Variants in NRXN1 observed in about 807,000 individuals in gnomAD.
The protein encoded by NRXN1 is neurexin-1.
A neutral mutation model predicts 150.9 loss-of-function variants in NRXN1; 39 were observed. The observed-to-expected ratio is 0.26, with a 90% CI of 0.20 to 0.34. NRXN1 has a LOEUF of 0.34. Among genes scored for constraint, NRXN1 ranks in the 10% least tolerant of loss-of-function variants. The pLI is 1.00. For synonymous variants in NRXN1, 924 were observed against 757.0 expected (o/e 1.22, Z -3.62); for missense variants, 1,815 against 1,949.9 (o/e 0.93, Z 1.30).
intron 17 of NRXN1, among the ~76,000 whole-genome samples, chr2:50,298,061 T>G (rs991432327): frequency 3.3e-5 from 5 of 152,020 alleles, no homozygotes; most frequent in Non-Finnish European, 5.9e-5. Context: ...AATATTAAAA[T>G]ATTCAATATT....
intron 18 of NRXN1, among the ~76,000 whole-genome samples, chr2:50,200,248 A>G (rs940247896): frequency 2.0e-5 from 3 of 152,140 alleles, no homozygotes; most frequent in Non-Finnish European, 4.4e-5. Context: ...TTATTTCTTG[A>G]GAATCTAGAT....
chr2:50,791,870 T>C lies in NRXN1; in HGVS notation c.832+129999A>G, dbSNP rs113334736. Among the ~76,000 whole-genome samples the C allele has an allele frequency of 3.6e-3, 555 of 152,186 alleles. 5 individuals are homozygous for C. Among genetic ancestry groups the C allele is most frequent in the African/African-American group, 0.013 (537 of 41,552 alleles). On this transcript the variant is annotated intron_variant, in intron 5 of 22. Coordinates refer to ENST00000401669, the MANE Select transcript of NRXN1 (RefSeq NM_001330078.2). ...TTCAAAGAGAAGATTCTGGGTGTCA[T>C]CTGCCACTTAGAGCCTGAAGTAAAC...
At chr2:50,999,497 C>T (rs1022561071) in intron 2 of NRXN1, among the ~76,000 whole-genome samples, 2 of 151,976 alleles carry the variant, frequency 1.3e-5, no homozygotes, top group East Asian at 3.9e-4. Flanking sequence ...CAGGTACTCC[C>T]CCATAGTTCC....
intron 12 of NRXN1, among the ~76,000 whole-genome samples, chr2:50,519,507 T>C (rs922297382): frequency 2.6e-5 from 4 of 151,966 alleles, no homozygotes; most frequent in African/African-American, 9.7e-5. Flanking sequence ...AACTTAGCAA[T>C]TAAATCTTAG....
At chr2:50,343,487 A>G (rs1305727107) in intron 17 of NRXN1, among the ~76,000 whole-genome samples, 2 of 152,094 alleles carry the variant, frequency 1.3e-5, no homozygotes, top group Admixed American at 6.6e-5. Context: ...CAATTTTTCT[A>G]TGGAGGTAGT....
intron 21 of NRXN1, among the ~76,000 whole-genome samples, chr2:50,047,616 C>A (rs1165275390): frequency 6.6e-6 from 1 of 152,018 alleles, no homozygotes; most frequent in Non-Finnish European, 1.5e-5. Context: ...GAAATTGATA[C>A]CTACATCTCG....
chr2:50,190,435 T>C (rs1362963093), intron 18 of NRXN1, among the ~76,000 whole-genome samples: 5 of 152,086 alleles, frequency 3.3e-5, no homozygotes, highest in Admixed American at 2.0e-4. Flanking sequence ...TTTTTACATC[T>C]CAAGCATATA....
intron 18 of NRXN1, among the ~76,000 whole-genome samples, chr2:50,147,082 A>G (rs1708114696): frequency 1.3e-5 from 2 of 151,766 alleles, no homozygotes; most frequent in African/African-American, 4.8e-5. Context: ...TGGGTCCTCT[A>G]TAATAGTTGG....
intron 2 of NRXN1, among the ~76,000 whole-genome samples, chr2:50,972,837 C>A (rs80187496): frequency 6.6e-6 from 1 of 152,164 alleles, no homozygotes; most frequent in Non-Finnish European, 1.5e-5. Flanking sequence ...GCTGTAAATA[C>A]CTGGTTCTCT....
intron 8 of NRXN1, among the ~76,000 whole-genome samples, chr2:50,565,583 T>C (rs1669720986): frequency 6.6e-6 from 1 of 152,174 alleles, no homozygotes; most frequent in African/African-American, 2.4e-5. Flanking sequence ...TGAAAAGTCC[T>C]AAATGCACAT....
At chr2:50,520,764 A>G (rs1472496270) in intron 12 of NRXN1, among the ~76,000 whole-genome samples, 1 of 151,952 alleles carries the variant, frequency 6.6e-6, no homozygotes, top group Non-Finnish European at 1.5e-5. Context: ...TACAATTTTT[A>G]TTTATTGTAC....
chr2:50,324,090 G>C (rs1464798440), intron 17 of NRXN1, among the ~76,000 whole-genome samples: 1 of 152,210 alleles, frequency 6.6e-6, no homozygotes, highest in African/African-American at 2.4e-5. Context: ...TTTTGTAGGG[G>C]TGAGAAGAAA....
chr2:50,746,833 A>G (rs2105307353), intron 5 of NRXN1, among the ~76,000 whole-genome samples: 1 of 152,228 alleles, frequency 6.6e-6, no homozygotes, highest in South Asian at 2.1e-4. Flanking sequence ...GTGTCTAGAA[A>G]TGAGAAGGAC....
At chr2:50,522,082 A>G (rs1315297678) in intron 12 of NRXN1, among the ~76,000 whole-genome samples, 7 of 152,180 alleles carry the variant, frequency 4.6e-5, no homozygotes, top group Admixed American at 3.9e-4. Flanking sequence ...AGAGAAGAAT[A>G]CAGTAAAGGA....
chr2:51,022,636 G>A (rs1669804026), intron 2 of NRXN1, among the ~76,000 whole-genome samples: 1 of 152,038 alleles, frequency 6.6e-6, no homozygotes. Context: ...CTCAATACAG[G>A]TGATCCACCT....
At chr2:50,382,869 A>G (rs956819428) in intron 17 of NRXN1, among the ~76,000 whole-genome samples, 3 of 152,170 alleles carry the variant, frequency 2.0e-5, no homozygotes, top group Non-Finnish European at 2.9e-5. Flanking sequence ...AGGCTAACTC[A>G]GAGATAACCT....
intron 15 of NRXN1, among the ~76,000 whole-genome samples, chr2:50,485,529 C>A (rs182038061): frequency 7.7e-4 from 118 of 152,278 alleles, no homozygotes; most frequent in African/African-American, 2.8e-3. Flanking sequence ...GCTGAGAAAA[C>A]TTTAAAGAGG....
intron 15 of NRXN1, among the ~76,000 whole-genome samples, chr2:50,493,214 T>C (rs1276279816): frequency 1.3e-5 from 2 of 152,200 alleles, no homozygotes; most frequent in African/African-American, 4.8e-5. Context: ...AAGAAAATAC[T>C]GCTGTCCATG....
At chr2:50,558,295 T>A (rs1283562250) in intron 8 of NRXN1, among the ~76,000 whole-genome samples, 2 of 152,184 alleles carry the variant, frequency 1.3e-5, no homozygotes, top group Non-Finnish European at 2.9e-5. Flanking sequence ...TCATGTCTAA[T>A]CCTGTTTGAA....
Sources: gnomAD v4.1 joint callset for allele counts (sites outside exome capture counted in the v4.1 genomes callset) on GRCh38, gnomAD v4.1.1 for gene constraint, MANE v1.5 for transcripts, NCBI Gene and HGNC (gene_info 2026-07-23, HGNC 2026-07-21) for gene names.